The following FGF10 variants were observed in gnomAD, a reference collection of about 807,000 sequenced individuals.
The protein encoded by FGF10 is fibroblast growth factor 10.
FGF10 carries 2 observed loss-of-function variants against 19.8 expected under a neutral mutation model. That is an observed-to-expected ratio of 0.10 (90% CI 0.04 to 0.32). The LOEUF (loss-of-function observed/expected upper bound fraction) is 0.32, where lower values mean the gene tolerates loss of function less well. Among genes scored for constraint, FGF10 ranks in the 10% least tolerant of loss-of-function variants. The probability of loss-of-function intolerance (pLI) is 1.00; values close to 1 mark genes in which losing one functional copy is unlikely to be tolerated. For synonymous variants in FGF10, 112 were observed against 94.0 expected (o/e 1.19, Z -1.10); for missense variants, 191 against 246.3 (o/e 0.78, Z 1.50).
chr5:44,304,857 C>G lies in FGF10; in HGVS notation c.*138G>C. ...TGTCAGCAGTGAATACAAAAACCTT[C>G]AAAGGCTGGCTTTCTTTTAAGCAAG... On this transcript the variant is annotated 3_prime_UTR_variant, in exon 3 of 3. Coordinates refer to ENST00000264664, the MANE Select transcript of FGF10 (RefSeq NM_004465.2). 1.2e-6 allele frequency: 1 copy of G among 823,586 alleles called. No individual in the cohort carries two copies. Among genetic ancestry groups the G allele is most frequent in the African/African-American group, 1.7e-5 (1 of 59,464 alleles). The allele number at this position is 823,586 out of a possible 1,614,324, so 51.0% of individuals were successfully genotyped here.
At chr5:44,321,228 GC>G (rs1173503990) in intron 1 of FGF10, among the ~76,000 whole-genome samples, 1 of 152,100 alleles carries the variant, frequency 6.6e-6, no homozygotes, top group Non-Finnish European at 1.5e-5. Flanking sequence ...TCCTCTTTCA[GC>G]TAGCACCATA....
At chr5:44,325,739 G>T (rs180954505) in intron 1 of FGF10, among the ~76,000 whole-genome samples, 1 of 134,982 alleles carries the variant, frequency 7.4e-6, no homozygotes, top group Non-Finnish European at 1.6e-5. Context: ...TGGGGAGGGG[G>T]GAGGGATAGC....
At chr5:44,377,314 T>A (rs1461750013) in intron 1 of FGF10, among the ~76,000 whole-genome samples, 1 of 152,202 alleles carries the variant, frequency 6.6e-6, no homozygotes, top group Non-Finnish European at 1.5e-5. Context: ...GATGATCTCC[T>A]CTTTCTACTT....
rs17233959 is a variant in FGF10 at position 44,385,702 on chromosome 5, C to T, written c.325+2656G>A. Among the ~76,000 whole-genome samples the T allele has an allele frequency of 1.6e-4, 24 of 152,198 alleles. 1 individual carries two copies. The South Asian group carries it at 5.0e-3, about 32-fold the overall frequency. ...GAGATCCTAGTATTTAACAAGCTAC[C>T]ATTTGGTGGACAGCTGGCTGGCTAC... On this transcript the variant is annotated intron_variant, in intron 1 of 2. Coordinates refer to ENST00000264664, the MANE Select transcript of FGF10 (RefSeq NM_004465.2).
intron 1 of FGF10, among the ~76,000 whole-genome samples, chr5:44,358,438 TTTGA>T (rs1240763279): frequency 6.6e-6 from 1 of 151,470 alleles, no homozygotes. Context: ...TAAGCACATA[TTTGA>T]TTAAGAATAC....
intron 1 of FGF10, among the ~76,000 whole-genome samples, chr5:44,318,522 A>G (rs13436788): frequency 0.12 from 18,306 of 152,098 alleles, 2,709 homozygotes; most frequent in African/African-American, 0.34. Flanking sequence ...GGAAAATCCC[A>G]AGGGAATCTT....
rs1465636401 is a variant in FGF10 at position 44,301,950 on chromosome 5, C to T, written c.*3045G>A. Among the ~76,000 whole-genome samples the T allele has an allele frequency of 2.6e-5, 4 of 152,056 alleles. No individual in the cohort carries two copies. Among genetic ancestry groups the T allele is most frequent in the African/African-American group, 9.7e-5 (4 of 41,422 alleles). On this transcript the variant is annotated 3_prime_UTR_variant, in exon 3 of 3. Coordinates refer to ENST00000264664, the MANE Select transcript of FGF10 (RefSeq NM_004465.2). ...TGCGAGTTAGGAGGAGGGAGTGATT[C>T]TATATCTTTATGAGGAGTATTCTCA...
chr5:44,362,641 C>T (rs1035758837), intron 1 of FGF10, among the ~76,000 whole-genome samples: 12 of 151,660 alleles, frequency 7.9e-5, no homozygotes, highest in African/African-American at 2.9e-4. Context: ...AACAAATACT[C>T]CCTCAGCATG....
chr5:44,362,144 A>G (rs1741498706), intron 1 of FGF10, among the ~76,000 whole-genome samples: 1 of 151,678 alleles, frequency 6.6e-6, no homozygotes, highest in African/African-American at 2.4e-5. Context: ...TCTGCTATTT[A>G]CCATCTTTGT....
At chr5:44,320,973 A>T (rs1004526520) in intron 1 of FGF10, among the ~76,000 whole-genome samples, 3 of 152,032 alleles carry the variant, frequency 2.0e-5, no homozygotes, top group South Asian at 2.1e-4. Flanking sequence ...GGCCTCCCAA[A>T]GTGCCAGTCC....
chr5:44,347,042 G>A (rs1210653730), intron 1 of FGF10, among the ~76,000 whole-genome samples: 2 of 151,708 alleles, frequency 1.3e-5, no homozygotes, highest in Non-Finnish European at 2.9e-5. Context: ...CCATGAGGGT[G>A]GGGATGTCTT....
At chr5:44,317,177 G>A (rs1429635126) in intron 1 of FGF10, among the ~76,000 whole-genome samples, 4 of 152,098 alleles carry the variant, frequency 2.6e-5, no homozygotes, top group Non-Finnish European at 5.9e-5. Flanking sequence ...TGCCTTTTTA[G>A]TATAATGTAT....
intron 1 of FGF10, among the ~76,000 whole-genome samples, chr5:44,333,330 A>G (rs540451501): frequency 3.6e-4 from 55 of 152,262 alleles, no homozygotes; most frequent in African/African-American, 1.3e-3. Context: ...GTCAAAGTTT[A>G]GCAACAAAAA....
intron 1 of FGF10, among the ~76,000 whole-genome samples, chr5:44,353,960 T>C (rs922695809): frequency 6.6e-6 from 1 of 151,550 alleles, no homozygotes; most frequent in African/African-American, 2.4e-5. Flanking sequence ...TTTTTTCCTC[T>C]ATTTTTTTCT....
At chr5:44,369,781 C>T (rs1741704232) in intron 1 of FGF10, among the ~76,000 whole-genome samples, 1 of 152,018 alleles carries the variant, frequency 6.6e-6, no homozygotes, top group African/African-American at 2.4e-5. Context: ...AAATTACCCC[C>T]TTTTTATAGA....
At chr5:44,327,131 C>T (rs899403690) in intron 1 of FGF10, among the ~76,000 whole-genome samples, 2 of 152,172 alleles carry the variant, frequency 1.3e-5, no homozygotes, top group African/African-American at 4.8e-5. Flanking sequence ...GCTGAATCCT[C>T]CCATTATTTA....
intron 1 of FGF10, among the ~76,000 whole-genome samples, chr5:44,353,255 C>T (rs998594170): frequency 6.6e-6 from 1 of 151,580 alleles, no homozygotes; most frequent in African/African-American, 2.4e-5. Flanking sequence ...ATTTGTTTAT[C>T]GTCTAAATGA....
intron 1 of FGF10, among the ~76,000 whole-genome samples, chr5:44,381,331 T>G (rs555884119): frequency 2.1e-4 from 32 of 152,150 alleles, no homozygotes; most frequent in Non-Finnish European, 3.8e-4. Flanking sequence ...AAAACAAAAC[T>G]ATCAGCTTTA....
intron 1 of FGF10, among the ~76,000 whole-genome samples, chr5:44,371,570 C>A (rs1248158906): frequency 6.6e-6 from 1 of 152,058 alleles, no homozygotes; most frequent in African/African-American, 2.4e-5. Flanking sequence ...TTAATGGAAA[C>A]CCTTTAATCA....
Sources: allele counts gnomAD v4.1 joint callset (sites outside exome capture counted in the v4.1 genomes callset), GRCh38; gene constraint gnomAD v4.1.1; transcripts MANE v1.5; gene names NCBI Gene and HGNC (gene_info 2026-07-23, HGNC 2026-07-21).